GPC5: variants seen among roughly 807,000 people sequenced by gnomAD.
GPC5 encodes the protein glypican 5.
In GPC5, 47 loss-of-function variants were observed where a neutral mutation model predicts 53.9. That is an observed-to-expected ratio of 0.87 (90% CI 0.69 to 1.11). The LOEUF is 1.11. GPC5 is among the 50% of genes most tolerant of loss of function. The pLI is 0.00. For missense variants in GPC5, 748 were observed against 713.1 expected (o/e 1.05, Z -0.56); for synonymous variants, 286 against 263.3 (o/e 1.09, Z -0.84).
At chr13:91,545,849 G>A (rs935918856) in intron 2 of GPC5, among the ~76,000 whole-genome samples, 1 of 152,024 alleles carries the variant, frequency 6.6e-6, no homozygotes, top group African/African-American at 2.4e-5. Flanking sequence ...AAAATAATAT[G>A]CTATCATGTT....
chr13:92,728,475 C>T (rs796950880), intron 7 of GPC5, among the ~76,000 whole-genome samples: 1 of 151,394 alleles, frequency 6.6e-6, no homozygotes, highest in African/African-American at 2.4e-5. Context: ...TAGATTTAAG[C>T]AAAACATAGA....
At chr13:92,048,126 C>G (rs1308831102) in intron 6 of GPC5, among the ~76,000 whole-genome samples, 1 of 151,894 alleles carries the variant, frequency 6.6e-6, no homozygotes, top group African/African-American at 2.4e-5. Flanking sequence ...GACATGGAGC[C>G]AAATAATCAA....
chr13:91,832,111 T>G (rs1299840771), intron 5 of GPC5, among the ~76,000 whole-genome samples: 3 of 151,936 alleles, frequency 2.0e-5, no homozygotes, highest in Non-Finnish European at 4.4e-5. Flanking sequence ...TTTGTAGGTC[T>G]CTAAGAACTT....
intron 7 of GPC5, among the ~76,000 whole-genome samples, chr13:92,476,124 A>C (rs1236045831): frequency 1.3e-5 from 2 of 152,216 alleles, no homozygotes; most frequent in Non-Finnish European, 1.5e-5. Flanking sequence ...GAATGGGAGA[A>C]AATTTTTGCA....
rs570543662 is a variant in GPC5, at chr13:92,445,781, T to C, written c.1561+300792T>C. 1.1e-4 allele frequency among the ~76,000 whole-genome samples: 17 copies of C among 152,168 alleles called. 1 individual carries two copies. In the South Asian group the frequency reaches 3.5e-3, roughly 32 times the overall value. ...AATAATGCCGCAATAAACATACGTG[T>C]GCATGTGTCTTTATAGCAGCATGAT... On this transcript the variant is annotated intron_variant, in intron 7 of 7. Coordinates refer to ENST00000377067, the MANE Select transcript of GPC5 (RefSeq NM_004466.6).
In GPC5 at chr13:91,452,190, C is replaced by T. The variant is rs554579898; in HGVS notation, c.325+3268C>T. 3.9e-5 allele frequency among the ~76,000 whole-genome samples: 6 copies of T among 151,940 alleles called. No homozygotes were observed. The East Asian group carries it at 7.8e-4, about 20-fold the overall frequency. On this transcript the variant is annotated intron_variant, in intron 2 of 7. Coordinates refer to ENST00000377067, the MANE Select transcript of GPC5 (RefSeq NM_004466.6). The stretch of plus-strand genomic sequence containing the variant: ...ATAGAGATAGGGTTTTGCCCTGTTG[C>T]CCCATCTGGTCTTGAACTCCTGAGC...
At position 92,092,688 on chromosome 13, in the gene GPC5, G is replaced by A. The variant is rs188664452; in HGVS notation, c.1402-52142G>A. ...CTCCAGAATTGACTTTATGAAACTT[G>A]ACATCCTCTGTTTCTGGCATGTATT... is the stretch of plus-strand genomic sequence containing the variant. On this transcript the variant is annotated intron_variant, in intron 6 of 7. Coordinates refer to ENST00000377067, the MANE Select transcript of GPC5 (RefSeq NM_004466.6). 1.1e-3 allele frequency among the ~76,000 whole-genome samples: 172 copies of A among 152,164 alleles called. 2 individuals are homozygous for A. The highest frequency in any genetic ancestry group is 0.01 in the Admixed American group (155 of 15,288).
chr13:91,649,097 C>T (rs753001914), intron 2 of GPC5, among the ~76,000 whole-genome samples: 4 of 152,182 alleles, frequency 2.6e-5, no homozygotes, highest in Non-Finnish European at 4.4e-5. Context: ...TTGCTTGGCA[C>T]TTATCCTTCC....
chr13:91,469,908 C>T lies in GPC5; in HGVS notation c.325+20986C>T, dbSNP rs575951046. Among the ~76,000 whole-genome samples, 46 of 152,150 alleles carry T rather than the reference C, an allele frequency of 3.0e-4. No homozygotes were observed. The East Asian group carries it at 7.4e-3, about 24-fold the overall frequency. On this transcript the variant is annotated intron_variant, in intron 2 of 7. Coordinates refer to ENST00000377067, the MANE Select transcript of GPC5 (RefSeq NM_004466.6). ...TACAAAAATTAGCTGGGCAGGGTGGCGTGTGCCTGTAATTCCAGCTTCTCA... is the reference window on the plus strand; with the variant it reads ...TACAAAAATTAGCTGGGCAGGGTGGTGTGTGCCTGTAATTCCAGCTTCTCA...
At chr13:92,701,833 A>G (rs573243474) in intron 7 of GPC5, among the ~76,000 whole-genome samples, 28 of 152,290 alleles carry the variant, frequency 1.8e-4, no homozygotes, top group Non-Finnish European at 3.7e-4. Flanking sequence ...AGAGACATCT[A>G]AAAATGGAAT....
intron 2 of GPC5, among the ~76,000 whole-genome samples, chr13:91,505,348 AT>A (rs1199082002): frequency 6.6e-6 from 1 of 152,186 alleles, no homozygotes; most frequent in Non-Finnish European, 1.5e-5. Flanking sequence ...TAGAATAATA[AT>A]TGGATGATTA....
chr13:92,359,934 GT>G (rs1034890671), intron 7 of GPC5, among the ~76,000 whole-genome samples: 1 of 151,148 alleles, frequency 6.6e-6, no homozygotes, highest in Admixed American at 6.6e-5. Flanking sequence ...AAGGTTGTTT[GT>G]TTTTTTTCTT....
chr13:92,696,498 T>G (rs562703768), intron 7 of GPC5, among the ~76,000 whole-genome samples: 15 of 152,246 alleles, frequency 9.9e-5, no homozygotes, highest in Non-Finnish European at 2.2e-4. Context: ...ATGTCTTCTT[T>G]TGAGAAGCAT....
intron 5 of GPC5, among the ~76,000 whole-genome samples, chr13:91,821,895 T>A (rs376358212): frequency 1.2e-4 from 18 of 152,148 alleles, no homozygotes; most frequent in African/African-American, 2.9e-4. Context: ...TGCAAAAAAA[T>A]TTGAACTAAA....
intron 5 of GPC5, among the ~76,000 whole-genome samples, chr13:91,847,500 C>T (rs975282073): frequency 3.9e-5 from 6 of 152,120 alleles, no homozygotes; most frequent in Non-Finnish European, 5.9e-5. Context: ...TCCCTCTCAG[C>T]TGCTGAGTGT....
Position 92,426,708 on chromosome 13 carries a change from T to C in GPC5, c.1561+281719T>C, listed in dbSNP as rs368594171. The stretch of plus-strand genomic sequence containing the variant: ...GTATAGCTCTTATGCTTTGATTACA[T>C]ATAATTTTATATACAAATCAAAAAT... On this transcript the variant is annotated intron_variant, in intron 7 of 7. Coordinates refer to ENST00000377067, the MANE Select transcript of GPC5 (RefSeq NM_004466.6). 1.2e-4 allele frequency among the ~76,000 whole-genome samples: 19 copies of C among 152,156 alleles called. No homozygotes were observed. The East Asian group carries it at 3.3e-3, about 26-fold the overall frequency.
intron 6 of GPC5, among the ~76,000 whole-genome samples, chr13:92,047,806 TAAAAA>T (rs35020183): frequency 1.0e-5 from 1 of 98,790 alleles, no homozygotes; most frequent in Admixed American, 1.1e-4. Context: ...CTGTCTCTAC[TAAAAA>T]AAAAAAAAAA....
intron 7 of GPC5, among the ~76,000 whole-genome samples, chr13:92,450,166 G>A (rs762299253): frequency 1.7e-4 from 26 of 151,980 alleles, no homozygotes; most frequent in Non-Finnish European, 3.1e-4. Flanking sequence ...AAAAGAAATT[G>A]GGAGAAGATA....
At chr13:92,083,849 A>G (rs1404790443) in intron 6 of GPC5, among the ~76,000 whole-genome samples, 1 of 152,186 alleles carries the variant, frequency 6.6e-6, no homozygotes, top group African/African-American at 2.4e-5. Context: ...ACTATTCACA[A>G]TAGCAAAGAC....
Sources: gnomAD v4.1 joint callset for allele counts (sites outside exome capture counted in the v4.1 genomes callset) on GRCh38, gnomAD v4.1.1 for gene constraint, MANE v1.5 for transcripts, NCBI Gene and HGNC (gene_info 2026-07-23, HGNC 2026-07-21) for gene names.